SYT1: variants seen among roughly 807,000 people sequenced by gnomAD.
The protein encoded by SYT1 is synaptotagmin 1.
In SYT1, 8 loss-of-function variants were observed where a neutral mutation model predicts 44.8. The ratio of observed to expected loss-of-function variants is 0.18; its 90% CI spans 0.10 to 0.32. SYT1 has a LOEUF of 0.32. SYT1 is among the 10% of genes least tolerant of loss of function. The pLI, the probability that SYT1 is intolerant of heterozygous loss-of-function variation, is 1.00. For missense variants in SYT1, 286 were observed against 509.3 expected, an observed-to-expected ratio of 0.56 and a Z score of 4.22; for synonymous variants, 154 against 188.8, an observed-to-expected ratio of 0.82 and a Z score of 1.51.
intron 8 of SYT1, among the ~76,000 whole-genome samples, chr12:79,347,024 T>G (rs199786577): frequency 9.3e-5 from 14 of 150,924 alleles, no homozygotes; most frequent in Non-Finnish European, 1.5e-4. Flanking sequence ...TTTTGTTTGT[T>G]TGTGTGTTTG....
intron 9 of SYT1, among the ~76,000 whole-genome samples, chr12:79,371,743 A>G (rs781430291): frequency 6.6e-6 from 1 of 152,194 alleles, no homozygotes; most frequent in Non-Finnish European, 1.5e-5. Flanking sequence ...TTTACTTTTA[A>G]TCATTTCAGA....
chr12:78,957,735 G>A (rs904284249), intron 1 of SYT1, among the ~76,000 whole-genome samples: 1 of 151,970 alleles, frequency 6.6e-6, no homozygotes, highest in Non-Finnish European at 1.5e-5. Flanking sequence ...GGTTGTTAAG[G>A]TCCTGTGCAC....
At chr12:78,945,485 T>C (rs920773371) in intron 1 of SYT1, among the ~76,000 whole-genome samples, 2 of 147,296 alleles carry the variant, frequency 1.4e-5, no homozygotes, top group Admixed American at 7.0e-5. Context: ...TATATATATA[T>C]ATACACATTT....
intron 1 of SYT1, among the ~76,000 whole-genome samples, chr12:78,889,330 C>T (rs1874919642): frequency 6.6e-6 from 1 of 151,782 alleles, no homozygotes; most frequent in Non-Finnish European, 1.5e-5. Context: ...GTTGAGACTC[C>T]AAAAAAGTTA....
intron 8 of SYT1, among the ~76,000 whole-genome samples, chr12:79,348,218 A>T (rs904513705): frequency 6.6e-6 from 1 of 152,196 alleles, no homozygotes; most frequent in African/African-American, 2.4e-5. Context: ...GCTGCCTTTT[A>T]TGTGAGAAGG....
intron 8 of SYT1, among the ~76,000 whole-genome samples, chr12:79,307,177 A>C (rs1359331792): frequency 6.6e-6 from 1 of 152,194 alleles, no homozygotes; most frequent in African/African-American, 2.4e-5. Context: ...ATTAGATGAA[A>C]TGTCAGTGAT....
At chr12:79,156,442 C>CTGTTGT (rs34284800) in intron 3 of SYT1, among the ~76,000 whole-genome samples, 4 of 141,900 alleles carry the variant, frequency 2.8e-5, no homozygotes, top group Admixed American at 1.4e-4. Context: ...GTTGTTGCTG[C>CTGTTGT]TGTTGTTGTT....
chr12:79,140,817 T>C (rs1383961906), intron 3 of SYT1, among the ~76,000 whole-genome samples: 2 of 152,222 alleles, frequency 1.3e-5, no homozygotes, highest in African/African-American at 4.8e-5. Flanking sequence ...GAGAAGCCTA[T>C]AGGCTAACAG....
At chr12:79,409,759 A>G (rs1868346883) in intron 9 of SYT1, among the ~76,000 whole-genome samples, 1 of 152,188 alleles carries the variant, frequency 6.6e-6, no homozygotes, top group Admixed American at 6.6e-5. Flanking sequence ...ACACATTTTG[A>G]TTCCTAATAT....
chr12:79,281,992 A>G (rs1353552669), intron 4 of SYT1, among the ~76,000 whole-genome samples: 3 of 152,172 alleles, frequency 2.0e-5, no homozygotes, highest in Admixed American at 6.6e-5. Flanking sequence ...AGGCACCTGC[A>G]TTCCTTGGCT....
chr12:79,103,325 CAACTT>C (rs1436399052), intron 3 of SYT1, among the ~76,000 whole-genome samples: 4 of 151,858 alleles, frequency 2.6e-5, no homozygotes, highest in African/African-American at 9.7e-5. Context: ...TTTGCATAGA[CAACTT>C]AAAATAAATA....
chr12:79,029,167 C>T (rs192826839), intron 2 of SYT1, among the ~76,000 whole-genome samples: 5 of 151,066 alleles, frequency 3.3e-5, no homozygotes, highest in African/African-American at 9.7e-5. Flanking sequence ...TATTCAATAC[C>T]TCACCCTTGC....
intron 4 of SYT1, among the ~76,000 whole-genome samples, chr12:79,273,812 GT>G (rs1220522390): frequency 6.6e-6 from 1 of 152,224 alleles, no homozygotes; most frequent in Admixed American, 6.5e-5. Context: ...GTGGTGGGGC[GT>G]GATGGCTCAC....
intron 8 of SYT1, among the ~76,000 whole-genome samples, chr12:79,319,028 G>A (rs1181049693): frequency 2.0e-5 from 3 of 152,264 alleles, no homozygotes; most frequent in Non-Finnish European, 4.4e-5. Context: ...AGAGATGTAC[G>A]CCTCTTTTCA....
At chr12:79,218,471 T>G (rs1243986109) in intron 4 of SYT1, among the ~76,000 whole-genome samples, 3 of 152,150 alleles carry the variant, frequency 2.0e-5, no homozygotes, top group Non-Finnish European at 4.4e-5. Flanking sequence ...TCTCTCGAAC[T>G]TATTTCTCCT....
chr12:79,425,258 C>T (rs534364342), intron 9 of SYT1, among the ~76,000 whole-genome samples: 1 of 152,202 alleles, frequency 6.6e-6, no homozygotes, highest in South Asian at 2.1e-4. Context: ...TATTTCATAT[C>T]ATCTAGCAAA....
At chr12:79,284,017 G>A (rs1309888625) in intron 4 of SYT1, among the ~76,000 whole-genome samples, 1 of 151,816 alleles carries the variant, frequency 6.6e-6, no homozygotes, top group Non-Finnish European at 1.5e-5. Flanking sequence ...CTTTATCAAA[G>A]TATTCCTGAC....
At chr12:79,408,557 A>C (rs1360100971) in intron 9 of SYT1, among the ~76,000 whole-genome samples, 1 of 152,126 alleles carries the variant, frequency 6.6e-6, no homozygotes, top group Non-Finnish European at 1.5e-5. Context: ...AGTCTTCCTC[A>C]CAGGCTTTAC....
At chr12:79,049,013 TG>T (rs1398683741) in intron 3 of SYT1, among the ~76,000 whole-genome samples, 1 of 151,830 alleles carries the variant, frequency 6.6e-6, no homozygotes, top group Non-Finnish European at 1.5e-5. Context: ...CATTGGAAAA[TG>T]GTTGAATTTT....
Sources: allele counts gnomAD v4.1 joint callset (sites outside exome capture counted in the v4.1 genomes callset), GRCh38; gene constraint gnomAD v4.1.1; transcripts MANE v1.5; gene names NCBI Gene and HGNC (gene_info 2026-07-23, HGNC 2026-07-21).